Variants in ZFHX3 observed in about 807,000 individuals in gnomAD.
The protein encoded by ZFHX3 is zinc finger homeobox 3, also known as zinc finger homeobox protein 3.
A neutral mutation model predicts 279.1 loss-of-function variants in ZFHX3; 42 were observed. That is an observed-to-expected ratio of 0.15 (90% CI 0.12 to 0.19). ZFHX3 has a LOEUF of 0.19. Ranked by LOEUF, ZFHX3 falls within the 10% of genes least tolerant of loss-of-function variation. The pLI is 1.00. For missense variants in ZFHX3, 4,981 were observed against 4,754.0 expected, an observed-to-expected ratio of 1.05 and a Z score of -1.40; for synonymous variants, 2,293 against 1,957.8, an observed-to-expected ratio of 1.17 and a Z score of -4.52.
At chr16:73,070,926 GCGCGCGCGCGCGCACA>G (rs1443603230) in intron 8 of ZFHX3, among the ~76,000 whole-genome samples, 747 of 29,488 alleles carry the variant, frequency 0.025, 9 homozygotes, top group African/African-American at 0.059. Flanking sequence ...GCGCGCGCGC[GCGCGCGCGCGCGCACA>G]CACACACACA....
At chr16:73,252,811 C>G (rs151177572) in intron 5 of ZFHX3, among the ~76,000 whole-genome samples, 91 of 152,172 alleles carry the variant, frequency 6.0e-4, no homozygotes, top group Non-Finnish European at 1.0e-3. Context: ...CATAGACCAA[C>G]GGGCAGACTC....
chr16:72,945,172 T>A (rs1366432108), intron 3 of ZFHX3, among the ~76,000 whole-genome samples: 1 of 152,130 alleles, frequency 6.6e-6, no homozygotes, highest in African/African-American at 2.4e-5. Flanking sequence ...GGTGGGAAGC[T>A]TCTGGAAGGA....
chr16:73,728,131 T>C (rs965207965), intron 1 of ZFHX3, among the ~76,000 whole-genome samples: 1 of 149,158 alleles, frequency 6.7e-6, no homozygotes, highest in African/African-American at 2.5e-5. Context: ...ATGAGGTCCT[T>C]AGGATGGACT....
chr16:73,864,980 T>C (rs1961974833), intron 1 of ZFHX3, among the ~76,000 whole-genome samples: 1 of 152,224 alleles, frequency 6.6e-6, no homozygotes, highest in Admixed American at 6.5e-5. Flanking sequence ...TTCTGAGCCT[T>C]GTTCTTAAGG....
intron 1 of ZFHX3, among the ~76,000 whole-genome samples, chr16:73,884,895 C>T (rs572323682): frequency 2.6e-5 from 4 of 152,280 alleles, no homozygotes; most frequent in African/African-American, 7.2e-5. Flanking sequence ...GCTGCAAATG[C>T]CTTATCTTTT....
rs1356936104 is a variant in ZFHX3, at chr16:72,800,475, C to T, written c.3865-346G>A. ...AATTAGGTAGATAAGTTGAAAGGCC[C>T]ACCTTAAGCTGCTGAAAACATAATA... is the stretch of plus-strand genomic sequence containing the variant. On this transcript the variant is annotated intron_variant, in intron 7 of 9. Transcript: ENST00000268489. Among the ~76,000 whole-genome samples the T allele has an allele frequency of 3.3e-5, 5 of 152,152 alleles. No individual in the cohort carries two copies. The South Asian group carries it at 8.3e-4, about 25-fold the overall frequency.
At chr16:73,247,455 T>G (rs140654284) in intron 5 of ZFHX3, among the ~76,000 whole-genome samples, 2 of 151,906 alleles carry the variant, frequency 1.3e-5, no homozygotes, top group Non-Finnish European at 2.9e-5. Flanking sequence ...TGTATGAGTG[T>G]GTATATACTG....
chr16:72,950,330 T>C (rs1040662231), intron 3 of ZFHX3, 139 bp downstream of exon 3: 8 of 1,345,878 alleles, frequency 5.9e-6, no homozygotes, highest in Non-Finnish European at 8.0e-6. Flanking sequence ...GACTCTCCTC[T>C]CAACTCCAGG....
At chr16:73,796,385 C>T (rs547591803) in intron 1 of ZFHX3, 9 of 152,216 alleles carry the variant, frequency 5.9e-5, no homozygotes, top group Non-Finnish European at 1.3e-4. Flanking sequence ...TTGTCATATT[C>T]TCACTGTTTC....
At chr16:73,046,497 T>G (rs1414701734) in intron 1 of ZFHX3, among the ~76,000 whole-genome samples, 1 of 152,068 alleles carries the variant, frequency 6.6e-6, no homozygotes, top group Non-Finnish European at 1.5e-5. Flanking sequence ...TTTTCAGGGT[T>G]TCCCTTGAAA....
chr16:73,486,700 C>T, intron 2 of ZFHX3: 1 of 433,916 alleles, frequency 2.3e-6, no homozygotes, highest in Non-Finnish European at 4.6e-6. Context: ...CCAGGACTTT[C>T]CTGGTTTCCT....
rs1274205202 is a variant in ZFHX3 at position 72,796,561 on chromosome 16, G to C, written c.6121C>G (p.Pro2041Ala). The change falls in exon 9 of 10, where the codon CCA (proline) becomes GCA (alanine). Residue 2041 changes from proline (P) to alanine (A), a missense_variant. Physicochemically the swap from Pro to Ala is conservative, Grantham distance 27 (BLOSUM62 -1). Around this residue, in one of 7 missense-constraint regions of ZFHX3, gnomAD observed 1,751 missense variants for 1,770.0 expected, o/e 0.99. Coordinates refer to ENST00000268489, the MANE Select transcript of ZFHX3 (RefSeq NM_006885.4). ...PLRPQTPEPP[P>A]PPPPPPPPPL... Reference sequence around the variant, plus strand: ...GGTGGAGGGGGTGGAGGGGGAGGTGGTGGTGGCTCTGGGGTCTGGGGCCTC... The same window carrying C: ...GGTGGAGGGGGTGGAGGGGGAGGTGCTGGTGGCTCTGGGGTCTGGGGCCTC... 6.2e-7 allele frequency: 1 copy of C among 1,610,624 alleles called. No individual in the cohort carries two copies. Among genetic ancestry groups the C allele is most frequent in the South Asian group, 1.1e-5 (1 of 90,938 alleles).
chr16:73,463,826 A>AG, intron 2 of ZFHX3, among the ~76,000 whole-genome samples: 1 of 152,320 alleles, frequency 6.6e-6, no homozygotes, highest in African/African-American at 2.4e-5. Flanking sequence ...AGCAAGAGCA[A>AG]GGGCAGCAGA....
intron 4 of ZFHX3, among the ~76,000 whole-genome samples, chr16:72,843,399 T>C (rs2037395240): frequency 1.3e-5 from 2 of 151,022 alleles, no homozygotes; most frequent in Admixed American, 1.3e-4. Flanking sequence ...TAGTCCCAGC[T>C]ACTTGGGAGG....
At chr16:73,715,609 G>A (rs2053407074) in intron 1 of ZFHX3, among the ~76,000 whole-genome samples, 1 of 112,154 alleles carries the variant, frequency 8.9e-6, no homozygotes, top group Non-Finnish European at 1.7e-5. Flanking sequence ...GTCTCGCTAT[G>A]TTGCCCAGGC....
At chr16:73,646,022 GC>G (rs1455717701) in intron 2 of ZFHX3, among the ~76,000 whole-genome samples, 1 of 152,142 alleles carries the variant, frequency 6.6e-6, no homozygotes, top group African/African-American at 2.4e-5. Flanking sequence ...AATCGATATA[GC>G]CTTTTGGATG....
chr16:73,885,913 C>A (rs968593209), intron 1 of ZFHX3, among the ~76,000 whole-genome samples: 1 of 152,088 alleles, frequency 6.6e-6, no homozygotes, highest in African/African-American at 2.4e-5. Flanking sequence ...GGAAATTTGC[C>A]CTCCAAATGT....
intron 2 of ZFHX3, among the ~76,000 whole-genome samples, chr16:73,670,717 C>G (rs553337911): frequency 2.0e-5 from 3 of 152,246 alleles, no homozygotes; most frequent in Non-Finnish European, 4.4e-5. Flanking sequence ...TTTACTTCTC[C>G]CAGCACCAAA....
chr16:73,084,780 A>G (rs1033983625), intron 8 of ZFHX3, among the ~76,000 whole-genome samples: 2 of 152,096 alleles, frequency 1.3e-5, no homozygotes, highest in African/African-American at 4.8e-5. Flanking sequence ...TCAGCCTCCC[A>G]AAATGCTGGG....
Sources: gnomAD v4.1 joint callset for allele counts (sites outside exome capture counted in the v4.1 genomes callset) on GRCh38, gnomAD v4.1.1 for gene constraint, gnomAD v4.1.1 regional missense constraint, MANE v1.5 for transcripts, NCBI Gene and HGNC (gene_info 2026-07-23, HGNC 2026-07-21) for gene names.